The following ADCY9 variants were observed in gnomAD, a reference collection of about 807,000 sequenced individuals.
ADCY9 encodes adenylate cyclase type 9.
ADCY9 carries 50 observed loss-of-function variants against 101.5 expected under a neutral mutation model. The observed-to-expected ratio is 0.49, with a 90% CI of 0.39 to 0.62. The LOEUF is 0.62. Among genes scored for constraint, ADCY9 ranks in the 20% least tolerant of loss-of-function variants. The probability of loss-of-function intolerance (pLI) is 0.00; values close to 1 mark genes in which losing one functional copy is unlikely to be tolerated. For missense variants in ADCY9, 1,662 were observed against 1,800.4 expected, an observed-to-expected ratio of 0.92 and a Z score of 1.39; for synonymous variants, 905 against 769.3, an observed-to-expected ratio of 1.18 and a Z score of -2.92.
At chr16:4,046,140 G>A (rs1035929540) in intron 2 of ADCY9, among the ~76,000 whole-genome samples, 5 of 151,936 alleles carry the variant, frequency 3.3e-5, no homozygotes, top group South Asian at 2.1e-4. Context: ...TGTGAGCCAC[G>A]GCACCAGGTC....
At chr16:4,096,894 A>G (rs557743055) in intron 2 of ADCY9, among the ~76,000 whole-genome samples, 102 of 147,780 alleles carry the variant, frequency 6.9e-4, no homozygotes, top group African/African-American at 1.9e-3. Context: ...TGGAAGGGGG[A>G]AAAAAAAAAG....
chr16:4,044,935 G>T (rs1000264486), intron 2 of ADCY9, among the ~76,000 whole-genome samples: 1 of 152,104 alleles, frequency 6.6e-6, no homozygotes, highest in Non-Finnish European at 1.5e-5. Flanking sequence ...GCTCCCGCAC[G>T]TGACTGCCAA....
intron 2 of ADCY9, among the ~76,000 whole-genome samples, chr16:4,077,834 T>C (rs575341722): frequency 2.6e-5 from 4 of 152,232 alleles, no homozygotes; most frequent in South Asian, 4.1e-4. Flanking sequence ...ACGCCATCTC[T>C]ACTAAAAATA....
At chr16:3,953,666 T>A (rs1356922678) in intron 5 of ADCY9, 1 of 152,216 alleles carries the variant, frequency 6.6e-6, no homozygotes, top group Non-Finnish European at 1.5e-5. Flanking sequence ...CCTGTGGATT[T>A]CCTTATTCTG....
At chr16:4,105,693 A>AT (rs1433987310) in intron 2 of ADCY9, among the ~76,000 whole-genome samples, 2 of 151,778 alleles carry the variant, frequency 1.3e-5, no homozygotes, top group African/African-American at 4.8e-5. Context: ...AAAAAAAAAA[A>AT]AAAAATTAGT....
intron 2 of ADCY9, among the ~76,000 whole-genome samples, chr16:4,013,083 C>G (rs995503110): frequency 6.6e-6 from 1 of 152,000 alleles, no homozygotes; most frequent in Non-Finnish European, 1.5e-5. Context: ...GAGATCCCAT[C>G]TCTATAAAAA....
Position 4,104,354 on chromosome 16 carries a change from G to C in ADCY9, c.1693+9396C>G, listed in dbSNP as rs535672142. Reference sequence around the variant, plus strand: ...TGCATGACGTTATAAAATCACACCTGGGTAAAAACCCAACAGCATTTAATA... The same window carrying C: ...TGCATGACGTTATAAAATCACACCTCGGTAAAAACCCAACAGCATTTAATA... On this transcript the variant is annotated intron_variant, in intron 2 of 10. Coordinates refer to ENST00000294016, the MANE Select transcript of ADCY9 (RefSeq NM_001116.4). Among the ~76,000 whole-genome samples, 25 of 152,178 alleles carry C rather than the reference G, an allele frequency of 1.6e-4. No homozygotes were observed. In the South Asian group the frequency reaches 3.1e-3, roughly 19 times the overall value.
intron 2 of ADCY9, among the ~76,000 whole-genome samples, chr16:4,051,393 G>A (rs1168257588): frequency 6.6e-5 from 10 of 151,926 alleles, no homozygotes; most frequent in Admixed American, 6.6e-5. Flanking sequence ...GCGTGGTGGC[G>A]GGCGCCTGTA....
intron 2 of ADCY9, among the ~76,000 whole-genome samples, chr16:4,086,762 C>A (rs1166549525): frequency 6.6e-6 from 1 of 152,066 alleles, no homozygotes; most frequent in Admixed American, 6.5e-5. Flanking sequence ...TGGGTTCAAA[C>A]GATCCTCCTG....
At chr16:3,979,542 C>G (rs1334748086) in intron 7 of ADCY9, among the ~76,000 whole-genome samples, 2 of 152,242 alleles carry the variant, frequency 1.3e-5, no homozygotes, top group Non-Finnish European at 2.9e-5. Flanking sequence ...ATGCTTCGCT[C>G]GCCTAACAGA....
At chr16:4,000,559 A>G (rs550398685) in intron 3 of ADCY9, among the ~76,000 whole-genome samples, 2 of 152,220 alleles carry the variant, frequency 1.3e-5, no homozygotes, top group African/African-American at 4.8e-5. Flanking sequence ...ATTATCACAG[A>G]AAAAGAAATT....
chr16:4,094,286 C>CT (rs1197532402), intron 2 of ADCY9, among the ~76,000 whole-genome samples: 1 of 152,182 alleles, frequency 6.6e-6, no homozygotes, highest in African/African-American at 2.4e-5. Context: ...CGGAATCACA[C>CT]TTTCTCTGTG....
intron 6 of ADCY9, chr16:3,983,815 C>T (rs898110053): frequency 1.4e-5 from 3 of 211,208 alleles, no homozygotes; most frequent in African/African-American, 6.9e-5. Context: ...GTCCCAGCTA[C>T]TCAGGAGGAT....
intron 2 of ADCY9, among the ~76,000 whole-genome samples, chr16:4,042,498 C>T (rs1429887438): frequency 1.3e-5 from 2 of 152,266 alleles, no homozygotes; most frequent in African/African-American, 2.4e-5. Context: ...TCAGTTTTTA[C>T]ACCATGACCT....
intron 2 of ADCY9, among the ~76,000 whole-genome samples, chr16:4,071,245 A>G (rs899829328): frequency 4.8e-5 from 7 of 146,976 alleles, no homozygotes; most frequent in African/African-American, 1.7e-4. Flanking sequence ...CGGGAGAATC[A>G]ATTGAACCCG....
In ADCY9 at chr16:4,034,888, T is replaced by C. The variant is rs150239626; in HGVS notation, c.1694-27330A>G. Reference sequence around the variant, plus strand: ...GAAGCAAGACCCTTCTGGTCATCTTTACTACCAGGTAGAGAAGGAGAAGAC... The same window carrying C: ...GAAGCAAGACCCTTCTGGTCATCTTCACTACCAGGTAGAGAAGGAGAAGAC... On this transcript the variant is annotated intron_variant, in intron 2 of 10. Coordinates refer to ENST00000294016, the MANE Select transcript of ADCY9 (RefSeq NM_001116.4). Among the ~76,000 whole-genome samples, 608 of 152,304 alleles carry C rather than the reference T, an allele frequency of 4.0e-3. 5 individuals are homozygous for C. Among genetic ancestry groups the C allele is most frequent in the Non-Finnish European group, 7.1e-3 (486 of 68,026 alleles).
chr16:4,023,963 G>C (rs934015927), intron 2 of ADCY9, among the ~76,000 whole-genome samples: 1 of 152,096 alleles, frequency 6.6e-6, no homozygotes, highest in Non-Finnish European at 1.5e-5. Flanking sequence ...GAGCTCTGCA[G>C]TGTTTTAAGT....
chr16:3,997,312 CA>C (rs1461214818), intron 3 of ADCY9, among the ~76,000 whole-genome samples: 1 of 152,240 alleles, frequency 6.6e-6, no homozygotes, highest in African/African-American at 2.4e-5. Flanking sequence ...ACACTGAGGA[CA>C]GGGGGCTCCA....
intron 7 of ADCY9, among the ~76,000 whole-genome samples, chr16:3,980,058 C>T (rs910964272): frequency 2.0e-5 from 3 of 152,262 alleles, no homozygotes; most frequent in African/African-American, 4.8e-5. Context: ...AACCCGCACA[C>T]GCGTGCCGTC....
Sources: gnomAD v4.1 joint callset for allele counts (sites outside exome capture counted in the v4.1 genomes callset) on GRCh38, gnomAD v4.1.1 for gene constraint, MANE v1.5 for transcripts, NCBI Gene and HGNC (gene_info 2026-07-23, HGNC 2026-07-21) for gene names.